HCN1: variants seen among roughly 807,000 people sequenced by gnomAD.
HCN1 encodes hyperpolarization activated cyclic nucleotide gated potassium channel 1.
HCN1 carries 13 observed loss-of-function variants against 78.9 expected under a neutral mutation model. The observed-to-expected ratio is 0.16, with a 90% CI of 0.11 to 0.26. The LOEUF is 0.26. Ranked by LOEUF, HCN1 falls within the 10% of genes least tolerant of loss-of-function variation. The pLI is 1.00. For missense variants in HCN1, 810 were observed against 1,154.3 expected (o/e 0.70, Z 4.32); for synonymous variants, 552 against 455.5 (o/e 1.21, Z -2.70).
chr5:45,625,594 G>T (rs1745149270), intron 2 of HCN1, among the ~76,000 whole-genome samples: 1 of 151,538 alleles, frequency 6.6e-6, no homozygotes, highest in Non-Finnish European at 1.5e-5. Context: ...AGAATAAAAA[G>T]CACTCTCACC....
chr5:45,507,809 G>A (rs904620091), intron 2 of HCN1, among the ~76,000 whole-genome samples: 2 of 152,038 alleles, frequency 1.3e-5, no homozygotes, highest in Non-Finnish European at 2.9e-5. Context: ...TGAAAAATCT[G>A]CAGTAATTCC....
chr5:45,317,527 C>T (rs926047745), intron 5 of HCN1, among the ~76,000 whole-genome samples: 8 of 152,124 alleles, frequency 5.3e-5, no homozygotes, highest in Non-Finnish European at 1.2e-4. Context: ...GACTAAAACA[C>T]CAAAAGCAAT....
intron 2 of HCN1, among the ~76,000 whole-genome samples, chr5:45,605,607 TAA>T (rs1744710027): frequency 6.6e-6 from 1 of 151,980 alleles, no homozygotes; most frequent in African/African-American, 2.4e-5. Context: ...GCAGATTTTA[TAA>T]AGTTTTTGTA....
chr5:45,426,491 A>T (rs1218889556), intron 3 of HCN1, among the ~76,000 whole-genome samples: 1 of 152,212 alleles, frequency 6.6e-6, no homozygotes, highest in Non-Finnish European at 1.5e-5. Flanking sequence ...ATGATCGTGA[A>T]TAAGTCTCAT....
chr5:45,403,772 T>C (rs186878333), intron 3 of HCN1, among the ~76,000 whole-genome samples: 2 of 152,296 alleles, frequency 1.3e-5, no homozygotes, highest in African/African-American at 2.4e-5. Context: ...TTATAAGCAG[T>C]ATATTATAAA....
intron 6 of HCN1, among the ~76,000 whole-genome samples, chr5:45,297,402 G>A (rs576785975): frequency 9.9e-5 from 15 of 152,186 alleles, no homozygotes; most frequent in East Asian, 5.8e-4. Flanking sequence ...CAGAGATTTC[G>A]TTTATGGCCA....
chr5:45,680,930 T>A (rs1739690515), intron 1 of HCN1, among the ~76,000 whole-genome samples: 1 of 152,134 alleles, frequency 6.6e-6, no homozygotes, highest in Admixed American at 6.6e-5. Context: ...TATCTTTGGC[T>A]TCTTCAAGTG....
In HCN1 at chr5:45,640,562, A is replaced by G. The variant is rs149169640; in HGVS notation, c.849+4623T>C. On this transcript the variant is annotated intron_variant, in intron 2 of 7. Coordinates refer to ENST00000303230, the MANE Select transcript of HCN1 (RefSeq NM_021072.4). ...CAATGTAGAATACCTTCTGGAAATG[A>G]GTTGAAGTCTGATTCTTTTTTTTTT... Among the ~76,000 whole-genome samples, 604 of 151,710 alleles carry G rather than the reference A, an allele frequency of 4.0e-3. 2 individuals carry two copies. The highest frequency in any genetic ancestry group is 6.2e-3 in the Non-Finnish European group (420 of 67,888).
intron 5 of HCN1, among the ~76,000 whole-genome samples, chr5:45,341,516 T>G (rs1266511666): frequency 6.6e-6 from 1 of 152,174 alleles, no homozygotes; most frequent in East Asian, 1.9e-4. Flanking sequence ...AGATAAAACA[T>G]GGCTTTGCAA....
chr5:45,375,747 TATA>T (rs1222715750), intron 4 of HCN1, among the ~76,000 whole-genome samples: 351 of 113,228 alleles, frequency 3.1e-3, no homozygotes, highest in African/African-American at 0.013. Flanking sequence ...ATATCTTATA[TATA>T]ATATCATATT....
In HCN1 at chr5:45,259,963, A is replaced by G. The variant is rs1007545520; in HGVS notation, c.*1958T>C. ...ACAACAGTATTCCTGACATGCCATC[A>G]TATGTCACCAGCATATTGATGATTA... On this transcript the variant is annotated 3_prime_UTR_variant, in exon 8 of 8. Transcript: ENST00000303230. The G allele has an allele frequency of 6.6e-6, 1 of 152,622 alleles. No homozygotes were observed. The highest frequency in any genetic ancestry group is 2.4e-5 in the African/African-American group (1 of 41,458). 9.5% of individuals were successfully genotyped at this position (152,622 alleles called of 1,614,324 possible). A position where few individuals can be genotyped will look rare whatever the true frequency, so the allele number is the denominator to read the frequency against.
intron 5 of HCN1, among the ~76,000 whole-genome samples, chr5:45,321,534 A>C (rs1189315279): frequency 2.0e-5 from 3 of 151,894 alleles, no homozygotes; most frequent in Admixed American, 6.6e-5. Flanking sequence ...TATATTTTGC[A>C]ATAGTGTATA....
At chr5:45,306,372 T>A (rs1579796235) in intron 5 of HCN1, among the ~76,000 whole-genome samples, 1 of 152,250 alleles carries the variant, frequency 6.6e-6, no homozygotes, top group Non-Finnish European at 1.5e-5. Flanking sequence ...AACTTGTTAA[T>A]GATACATTGC....
At chr5:45,277,593 C>T (rs1317181378) in intron 6 of HCN1, among the ~76,000 whole-genome samples, 3 of 152,086 alleles carry the variant, frequency 2.0e-5, no homozygotes, top group Non-Finnish European at 4.4e-5. Context: ...AACTCTTTCT[C>T]ACATTAAACC....
chr5:45,407,241 C>T (rs1462550578), intron 3 of HCN1, among the ~76,000 whole-genome samples: 1 of 152,090 alleles, frequency 6.6e-6, no homozygotes, highest in African/African-American at 2.4e-5. Context: ...CCTAGTGATC[C>T]TGTAGCTATC....
chr5:45,418,425 A>G (rs1307302529), intron 3 of HCN1, among the ~76,000 whole-genome samples: 1 of 149,486 alleles, frequency 6.7e-6, no homozygotes, highest in Admixed American at 6.6e-5. Context: ...TAGGCTAAAA[A>G]CTATCACCTA....
chr5:45,383,070 T>C (rs1747840155), intron 4 of HCN1, among the ~76,000 whole-genome samples: 2 of 152,150 alleles, frequency 1.3e-5, no homozygotes, highest in African/African-American at 4.8e-5. Context: ...TTAACTACTA[T>C]TAGAGATGAA....
intron 2 of HCN1, among the ~76,000 whole-genome samples, chr5:45,617,854 T>G (rs1478500699): frequency 3.3e-5 from 5 of 152,020 alleles, no homozygotes; most frequent in Non-Finnish European, 7.4e-5. Context: ...TAAATTAATT[T>G]AAAAAAAGAC....
intron 1 of HCN1, among the ~76,000 whole-genome samples, chr5:45,660,802 A>T (rs1260311339): frequency 1.5e-5 from 2 of 134,728 alleles, no homozygotes; most frequent in Non-Finnish European, 3.2e-5. Context: ...AGATTCATAA[A>T]GCAAGTCCTG....
Sources: gnomAD v4.1 joint callset for allele counts (sites outside exome capture counted in the v4.1 genomes callset) on GRCh38, gnomAD v4.1.1 for gene constraint, MANE v1.5 for transcripts, NCBI Gene and HGNC (gene_info 2026-07-23, HGNC 2026-07-21) for gene names.